The following IL1RAPL2 variants were observed in gnomAD, a reference collection of about 807,000 sequenced individuals.
The protein encoded by IL1RAPL2 is interleukin 1 receptor accessory protein like 2.
Under a neutral mutation model 44.1 loss-of-function variants are expected in IL1RAPL2, and 3 were observed. The observed-to-expected ratio is 0.07, with a 90% confidence interval of 0.03 to 0.18. IL1RAPL2 has a LOEUF of 0.18. Ranked by LOEUF, IL1RAPL2 falls within the 10% of genes least tolerant of loss-of-function variation. The pLI is 1.00. For missense variants in IL1RAPL2, 391 were observed against 496.4 expected (o/e 0.79, Z 2.02); for synonymous variants, 181 against 178.8 (o/e 1.01, Z -0.10).
chrX:104,864,423 G>T (rs1922564421), intron 2 of IL1RAPL2, among the ~76,000 whole-genome samples: 1 of 112,267 alleles, frequency 8.9e-6, no homozygotes, highest in Non-Finnish European at 1.9e-5. Context: ...GTTTAAGTTG[G>T]GAAAAGATAC....
rs1461606618 is a variant in IL1RAPL2 at position 105,198,670 on chromosome X, G to A, written c.356+2922G>A. 5.4e-5 allele frequency among the ~76,000 whole-genome samples: 6 copies of A among 111,551 alleles called. No individual in the cohort carries two copies. The Admixed American group carries it at 5.7e-4, about 11-fold the overall frequency. ...TGTTTCAGTATCCATCTCTGGTAGC[G>A]CATTGTATTTGGTTGTCATGTCTCC... On this transcript the variant is annotated intron_variant, in intron 3 of 10. Transcript: ENST00000372582.
intron 5 of IL1RAPL2, among the ~76,000 whole-genome samples, chrX:105,275,465 T>C (rs187890693): frequency 3.6e-5 from 4 of 112,081 alleles, no homozygotes; most frequent in African/African-American, 1.3e-4. Context: ...ATTTTTTCCA[T>C]TGTTTATTTT....
chrX:105,481,148 T>G (rs149480332), intron 5 of IL1RAPL2, among the ~76,000 whole-genome samples: 118 of 112,098 alleles, frequency 1.1e-3, no homozygotes, highest in Middle Eastern at 4.6e-3. Context: ...TCAAAGAGGC[T>G]AAAACCACTG....
intron 6 of IL1RAPL2, among the ~76,000 whole-genome samples, chrX:105,518,773 T>C (rs2036534290): frequency 9.0e-6 from 1 of 111,680 alleles, no homozygotes; most frequent in African/African-American, 3.3e-5. Flanking sequence ...AAGTACTTGG[T>C]TACTAGTAAA....
chrX:105,039,561 C>G (rs1301020583), intron 2 of IL1RAPL2, among the ~76,000 whole-genome samples: 2 of 111,768 alleles, frequency 1.8e-5, no homozygotes, highest in Non-Finnish European at 3.8e-5. Context: ...TTAATTTTTT[C>G]ACTTCAGAGA....
intron 8 of IL1RAPL2, among the ~76,000 whole-genome samples, chrX:105,741,490 C>T (rs2038500048): frequency 9.0e-6 from 1 of 111,471 alleles, no homozygotes; most frequent in African/African-American, 3.3e-5. Context: ...TTGTTGCCCA[C>T]GTTTTAGAGC....
chrX:105,321,960 G>A (rs2034900456), intron 5 of IL1RAPL2, among the ~76,000 whole-genome samples: 1 of 112,918 alleles, frequency 8.9e-6, no homozygotes, highest in Non-Finnish European at 1.9e-5. Context: ...TGCAGCCCTA[G>A]CAGGCCAAGG....
chrX:105,538,395 G>T (rs1294301394), intron 6 of IL1RAPL2, among the ~76,000 whole-genome samples: 1 of 108,444 alleles, frequency 9.2e-6, no homozygotes, highest in African/African-American at 3.4e-5. Context: ...GTATTTTCCA[G>T]TCACCCATTT....
intron 6 of IL1RAPL2, among the ~76,000 whole-genome samples, chrX:105,692,022 G>T (rs1342741354): frequency 9.0e-6 from 1 of 111,556 alleles, no homozygotes; most frequent in Non-Finnish European, 1.9e-5. Flanking sequence ...TCTACAAATA[G>T]AAATAATTTG....
chrX:105,255,033 T>C (rs988073118), intron 4 of IL1RAPL2, among the ~76,000 whole-genome samples: 1 of 111,968 alleles, frequency 8.9e-6, no homozygotes, highest in East Asian at 2.8e-4. Context: ...CTTGTCTATT[T>C]GGGCTGGGCT....
intron 7 of IL1RAPL2, among the ~76,000 whole-genome samples, chrX:105,729,067 C>A (rs914889184): frequency 2.7e-5 from 3 of 110,894 alleles, no homozygotes; most frequent in African/African-American, 9.8e-5. Context: ...TGGTTAATTT[C>A]TTTTTATCAA....
chrX:105,232,634 T>A (rs1459772194), intron 3 of IL1RAPL2, among the ~76,000 whole-genome samples: 3 of 111,850 alleles, frequency 2.7e-5, no homozygotes, highest in Non-Finnish European at 3.8e-5. Flanking sequence ...CCAGATAAGG[T>A]AGGGTAGAGA....
intron 6 of IL1RAPL2, among the ~76,000 whole-genome samples, chrX:105,680,406 C>T (rs774875574): frequency 2.7e-5 from 3 of 112,282 alleles, no homozygotes; most frequent in Admixed American, 9.5e-5. Flanking sequence ...AAGCCAGATA[C>T]CATGCCAGTT....
chrX:104,740,106 T>G (rs1932078479), intron 2 of IL1RAPL2, among the ~76,000 whole-genome samples: 1 of 111,240 alleles, frequency 9.0e-6, no homozygotes, highest in Non-Finnish European at 1.9e-5. Context: ...CACCTACATT[T>G]TTTTCCTCCC....
intron 2 of IL1RAPL2, among the ~76,000 whole-genome samples, chrX:105,072,604 T>C (rs903536259): frequency 2.7e-5 from 3 of 111,164 alleles, no homozygotes; most frequent in African/African-American, 6.6e-5. Context: ...GAGGAACTTA[T>C]TGGGAATTGG....
chrX:105,289,339 G>T (rs188166701), intron 5 of IL1RAPL2, among the ~76,000 whole-genome samples: 49 of 111,051 alleles, frequency 4.4e-4, no homozygotes, highest in African/African-American at 1.6e-3. Flanking sequence ...GAAGGGTTTT[G>T]AACAGAGGCT....
At chrX:105,561,683 A>G (rs1204030246) in intron 6 of IL1RAPL2, among the ~76,000 whole-genome samples, 1 of 112,186 alleles carries the variant, frequency 8.9e-6, no homozygotes, top group East Asian at 2.8e-4. Flanking sequence ...TCTCACAATT[A>G]GGTAGATACA....
chrX:104,722,819 A>C (rs1050569106), intron 2 of IL1RAPL2, among the ~76,000 whole-genome samples: 1 of 111,993 alleles, frequency 8.9e-6, no homozygotes, highest in Middle Eastern at 4.6e-3. Flanking sequence ...CATGCATGGA[A>C]ACCAGCAGAA....
chrX:104,965,505 T>C (rs780966164), intron 2 of IL1RAPL2, among the ~76,000 whole-genome samples: 1 of 111,615 alleles, frequency 9.0e-6, no homozygotes, highest in Admixed American at 9.6e-5. Flanking sequence ...TGAAGGATTT[T>C]ATCCTAACAG....
Sources: allele counts gnomAD v4.1 joint callset (sites outside exome capture counted in the v4.1 genomes callset), GRCh38; gene constraint gnomAD v4.1.1; transcripts MANE v1.5; gene names NCBI Gene and HGNC (gene_info 2026-07-23, HGNC 2026-07-21).